Variants in DOCK4 observed in about 807,000 individuals in gnomAD.
The protein encoded by DOCK4 is dedicator of cytokinesis 4, also known as dedicator of cytokinesis protein 4.
In DOCK4, 97 loss-of-function variants were observed where a neutral mutation model predicts 268.1. That is an observed-to-expected ratio of 0.36 (90% CI 0.31 to 0.43). The LOEUF is 0.43. Among genes scored for constraint, DOCK4 ranks in the 20% least tolerant of loss-of-function variants. The pLI, the probability that DOCK4 is intolerant of heterozygous loss-of-function variation, is 1.00. For synonymous variants in DOCK4, 954 were observed against 887.2 expected (o/e 1.08, Z -1.34); for missense variants, 2,145 against 2,455.7 (o/e 0.87, Z 2.67).
At chr7:111,825,139 T>TA (rs534747756) in intron 26 of DOCK4, among the ~76,000 whole-genome samples, 23 of 152,036 alleles carry the variant, frequency 1.5e-4, no homozygotes, top group Non-Finnish European at 2.5e-4. Flanking sequence ...TAGAGGAGAT[T>TA]AAAAAAAATC....
At chr7:111,729,744 A>C (rs912698171) in intron 52 of DOCK4, among the ~76,000 whole-genome samples, 6 of 152,180 alleles carry the variant, frequency 3.9e-5, no homozygotes, top group African/African-American at 1.4e-4. Context: ...TCAGCTCAGA[A>C]GACCCAGAGA....
chr7:112,194,346 G>C (rs913110259), intron 1 of DOCK4, among the ~76,000 whole-genome samples: 1 of 152,080 alleles, frequency 6.6e-6, no homozygotes, highest in Non-Finnish European at 1.5e-5. Context: ...TTTTACCTTA[G>C]GTGAATTCAT....
At chr7:111,782,793 A>G in intron 35 of DOCK4, 71 bp downstream of exon 35, 1 of 1,467,556 alleles carries the variant, frequency 6.8e-7, no homozygotes, top group Non-Finnish European at 9.5e-7. Context: ...AACACAAACA[A>G]AACATAGTAT....
At chr7:112,132,441 G>A (rs994826147) in intron 1 of DOCK4, among the ~76,000 whole-genome samples, 1 of 152,122 alleles carries the variant, frequency 6.6e-6, no homozygotes, top group African/African-American at 2.4e-5. Flanking sequence ...CCTTGTGGCA[G>A]CTCACACAAA....
chr7:112,051,285 C>A (rs953519608), intron 1 of DOCK4, among the ~76,000 whole-genome samples: 2 of 152,026 alleles, frequency 1.3e-5, no homozygotes, highest in Non-Finnish European at 2.9e-5. Context: ...TAAAAACTCT[C>A]TCAGAGGATG....
chr7:111,772,371 C>T (rs1420199445), intron 36 of DOCK4, among the ~76,000 whole-genome samples: 2 of 151,530 alleles, frequency 1.3e-5, no homozygotes, highest in Non-Finnish European at 2.9e-5. Context: ...AGACCCCCAT[C>T]TCAAAAAAAA....
intron 1 of DOCK4, among the ~76,000 whole-genome samples, chr7:112,127,896 G>C (rs1022626841): frequency 1.3e-5 from 2 of 152,102 alleles, no homozygotes; most frequent in South Asian, 2.1e-4. Context: ...GGGCATGGTG[G>C]TGCACACCTG....
chr7:111,784,259 C>T (rs1799002238), intron 32 of DOCK4, 136 bp from the exon 33 acceptor site: 17 of 1,006,214 alleles, frequency 1.7e-5, no homozygotes, highest in Middle Eastern at 2.1e-4. Context: ...CTAGCTTCTC[C>T]CTTACACTAA....
intron 31 of DOCK4, among the ~76,000 whole-genome samples, chr7:111,790,167 C>T (rs1799433464): frequency 6.6e-6 from 1 of 152,064 alleles, no homozygotes; most frequent in Admixed American, 6.5e-5. Flanking sequence ...CTGTGTCCAA[C>T]TGGGTGCAAA....
intron 1 of DOCK4, among the ~76,000 whole-genome samples, chr7:112,163,194 G>C (rs1372394508): frequency 1.3e-5 from 2 of 152,146 alleles, no homozygotes; most frequent in Non-Finnish European, 2.9e-5. Flanking sequence ...CAAGTTATAA[G>C]ACAAACAAAT....
intron 1 of DOCK4, among the ~76,000 whole-genome samples, chr7:112,195,150 G>A (rs189968332): frequency 9.1e-4 from 139 of 152,194 alleles, no homozygotes; most frequent in African/African-American, 3.3e-3. Context: ...ACAGTGGTGG[G>A]CACCTATAAT....
intron 23 of DOCK4, chr7:111,863,016 C>A: frequency 4.3e-6 from 1 of 230,058 alleles, no homozygotes; most frequent in Non-Finnish European, 8.7e-6. Context: ...TAAAAAACAA[C>A]AATAATGCAA....
At chr7:111,933,067 C>CAT (rs1216812669) in intron 12 of DOCK4, among the ~76,000 whole-genome samples, 3 of 146,166 alleles carry the variant, frequency 2.1e-5, no homozygotes, top group Non-Finnish European at 1.5e-5. Context: ...TATATATATA[C>CAT]ATATATATAC....
chr7:112,159,616 G>A (rs565541222), intron 1 of DOCK4, among the ~76,000 whole-genome samples: 9 of 151,962 alleles, frequency 5.9e-5, no homozygotes, highest in Admixed American at 1.3e-4. Context: ...GTCACGTTCC[G>A]TCCAAGTCTT....
At chr7:112,181,386 G>A (rs1819017102) in intron 1 of DOCK4, among the ~76,000 whole-genome samples, 1 of 152,068 alleles carries the variant, frequency 6.6e-6, no homozygotes, top group South Asian at 2.1e-4. Flanking sequence ...GGGTCCAGAG[G>A]CTCACACCTA....
At chr7:112,061,400 A>T (rs1173091260) in intron 1 of DOCK4, among the ~76,000 whole-genome samples, 1 of 152,194 alleles carries the variant, frequency 6.6e-6, no homozygotes, top group African/African-American at 2.4e-5. Context: ...AGCCACATTA[A>T]GAAGACTGTC....
At chr7:111,775,412 C>T (rs1381708711) in intron 36 of DOCK4, among the ~76,000 whole-genome samples, 1 of 152,196 alleles carries the variant, frequency 6.6e-6, no homozygotes, top group East Asian at 1.9e-4. Flanking sequence ...GCATTCCACC[C>T]TATCTCTCCC....
At chr7:111,783,007 AAAG>A in intron 34 of DOCK4, 83 bp from the exon 35 acceptor site, 3 of 1,198,520 alleles carry the variant, frequency 2.5e-6, no homozygotes, top group Admixed American at 2.4e-5. Flanking sequence ...GGAAAAAAAG[AAAG>A]AAAGAAAGAA....
At chr7:111,976,269 T>TATA (rs1491543011) in intron 8 of DOCK4, among the ~76,000 whole-genome samples, 1 of 33,138 alleles carries the variant, frequency 3.0e-5, no homozygotes, top group African/African-American at 1.2e-4. Context: ...TGTGTGTCTA[T>TATA]TATATATATA....
Sources: gnomAD v4.1 joint callset for allele counts (sites outside exome capture counted in the v4.1 genomes callset) on GRCh38, gnomAD v4.1.1 for gene constraint, MANE v1.5 for transcripts, NCBI Gene and HGNC (gene_info 2026-07-23, HGNC 2026-07-21) for gene names.